WRAP73: variants seen among roughly 807,000 people sequenced by gnomAD.
WRAP73 encodes the protein WD repeat-containing protein WRAP73.
Under a neutral mutation model 59.6 loss-of-function variants are expected in WRAP73, and 55 were observed. The ratio of observed to expected loss-of-function variants is 0.92; its 90% CI spans 0.74 to 1.15. The LOEUF is 1.15. Ranked by LOEUF, WRAP73 falls within the 50% of genes most tolerant of loss-of-function variation. WRAP73 has a pLI of 0.00. For synonymous variants in WRAP73, 265 were observed against 258.2 expected (o/e 1.03, Z -0.25); for missense variants, 592 against 608.1 (o/e 0.97, Z 0.28).
At chr1:3,634,675 T>C (rs1456483786) in intron 8 of WRAP73, 2 of 356,766 alleles carry the variant, frequency 5.6e-6, no homozygotes, top group African/African-American at 4.2e-5. Context: ...TGCCCAGTGT[T>C]TGGGGGCAGG....
In WRAP73 at chr1:3,631,865, A is replaced by G. The variant is rs1570290082; in HGVS notation, c.1049-208T>C. The G allele has an allele frequency of 4.3e-6, 6 of 1,401,156 alleles. No individual in the cohort carries two copies. The South Asian group carries it at 6.7e-5, about 16-fold the overall frequency. The allele number at this position is 1,401,156 out of a possible 1,614,324, so 86.8% of individuals were successfully genotyped here. On this transcript the variant is annotated intron_variant, in intron 10 of 11. Transcript: ENST00000270708. ...GCCATCACGGGCTGTAAGGGGCCCA[A>G]ATGTGTTTCTTTCTTTGGTATTTTT...
At chr1:3,632,568 C>A in intron 9 of WRAP73, 1 of 607,212 alleles carries the variant, frequency 1.6e-6, no homozygotes, top group Non-Finnish European at 2.8e-6. Flanking sequence ...CCAGGCCCGA[C>A]TAGGTGGGGG....
intron 3 of WRAP73, among the ~76,000 whole-genome samples, chr1:3,642,712 G>A (rs904009171): frequency 1.5e-4 from 22 of 148,242 alleles, no homozygotes; most frequent in Admixed American, 6.1e-4. Flanking sequence ...ACTACAGCCT[G>A]GGGGACAAGA....
At chr1:3,649,859 C>A (rs1487935340) in intron 1 of WRAP73, 72 bp downstream of exon 1, 1 of 1,509,240 alleles carries the variant, frequency 6.6e-7, no homozygotes, top group Non-Finnish European at 8.9e-7. Flanking sequence ...CACGCGGCCG[C>A]CCCCGGCCCT....
At chr1:3,643,246 C>G (rs1644663366) in intron 3 of WRAP73, among the ~76,000 whole-genome samples, 1 of 152,238 alleles carries the variant, frequency 6.6e-6, no homozygotes, top group Non-Finnish European at 1.5e-5. Flanking sequence ...CAACTTTACA[C>G]TGCACAGCAA....
chr1:3,631,659 T>C lies in WRAP73; in HGVS notation c.1049-2A>G, dbSNP rs1352303587. ...CCCAGACGGCATTGGGAATGTTGTC[T>C]GAGGAAGGAAGGACAGGGCACCGGT... On this transcript the variant is annotated splice_acceptor_variant, in intron 10 of 11. Coordinates refer to ENST00000270708, the MANE Select transcript of WRAP73 (RefSeq NM_017818.4). LOFTEE classifies it high-confidence loss of function. The C allele has an allele frequency of 3.8e-6, 6 of 1,588,410 alleles. No homozygotes were observed. In the East Asian group the frequency reaches 1.1e-4, roughly 30 times the overall value.
At chr1:3,632,430 G>A (rs1191262912) in intron 9 of WRAP73, 92 bp from the exon 10 acceptor site, 14 of 1,591,748 alleles carry the variant, frequency 8.8e-6, no homozygotes, top group African/African-American at 1.3e-5. Context: ...CGGGCATCGC[G>A]AACCCAGCTC....
intron 9 of WRAP73, 127 bp from the exon 10 acceptor site, chr1:3,632,465 C>A (rs1299407875): frequency 4.1e-6 from 6 of 1,477,422 alleles, no homozygotes; most frequent in Non-Finnish European, 5.6e-6. Flanking sequence ...GAGGAAAGTG[C>A]GGCCCAAGGG....
At chr1:3,632,362 C>G (rs200940255) in intron 9 of WRAP73, 24 bp from the exon 10 acceptor site, 1 of 1,613,888 alleles carries the variant, frequency 6.2e-7, no homozygotes, top group African/African-American at 1.3e-5. Context: ...AGGAAGAACA[C>G]GCCATTGTCA....
Position 3,634,949 on chromosome 1 carries a change from G to T in WRAP73, c.816+48C>A. The T allele has an allele frequency of 1.9e-6, 3 of 1,598,256 alleles. No individual in the cohort carries two copies. The South Asian group carries it at 3.3e-5, about 18-fold the overall frequency. On this transcript the variant is annotated intron_variant, in intron 8 of 11. Transcript: ENST00000270708. ...CAAAGTGAAGGAGCAGTTTCCCACC[G>T]CCCTCCCCAACAGCCTGCTCAGGCA...
chr1:3,638,833 A>C lies in WRAP73; in HGVS notation c.340-11T>G, dbSNP rs1644612330. On this transcript the variant is annotated splice_polypyrimidine_tract_variant and intron_variant, in intron 3 of 11. Coordinates refer to ENST00000270708, the MANE Select transcript of WRAP73 (RefSeq NM_017818.4). Reference sequence around the variant, plus strand: ...GACGGTTATCCGCAGCTGTTGGGGGAAAGGGGAAAGAGAAAGGAAACACTT... The same window carrying C: ...GACGGTTATCCGCAGCTGTTGGGGGCAAGGGGAAAGAGAAAGGAAACACTT... 1.2e-6 allele frequency: 2 copies of C among 1,613,644 alleles called. No homozygotes were observed. Among genetic ancestry groups the C allele is most frequent in the East Asian group, 4.5e-5 (2 of 44,862 alleles).
intron 9 of WRAP73, 46 bp downstream of exon 9, chr1:3,633,352 C>G: frequency 4.6e-6 from 7 of 1,533,076 alleles, no homozygotes; most frequent in Non-Finnish European, 3.6e-6. Context: ...AACGAGGAAT[C>G]TTGCATTAAA....
chr1:3,638,757 A>G lies in WRAP73; in HGVS notation c.405T>C (p.Cys135=), dbSNP rs770361684. The part of the protein sequence containing the change: ...SVSYIKYPKA[C]LQGITFTRDG... Reference sequence around the variant, plus strand: ...TGGCTCCGATCGACTCACCCTGCAGACAAGCTTTCGGGTATTTGATGTAAG... The same window carrying G: ...TGGCTCCGATCGACTCACCCTGCAGGCAAGCTTTCGGGTATTTGATGTAAG... The change falls in exon 4 of 12, where the codon TGT becomes TGC. Residue 135 remains cysteine, a synonymous_variant. Transcript: ENST00000270708. 6.8e-6 allele frequency: 11 copies of G among 1,614,162 alleles called. No homozygotes were observed. In the South Asian group the frequency reaches 1.2e-4, roughly 18 times the overall value.
chr1:3,635,915 G>C (rs760948704), intron 6 of WRAP73, 29 bp downstream of exon 6: 2 of 1,594,600 alleles, frequency 1.3e-6, no homozygotes, highest in Admixed American at 1.7e-5. Context: ...GCTCTCGAAA[G>C]CAAACATGTC....
At chr1:3,633,291 A>T (rs544823010) in intron 9 of WRAP73, 107 bp downstream of exon 9, 5 of 1,197,470 alleles carry the variant, frequency 4.2e-6, no homozygotes, top group Non-Finnish European at 6.1e-6. Flanking sequence ...CATGGAAGGG[A>T]AAAAAAGTTT....
Position 3,630,945 on chromosome 1 carries a change from CCT to C in WRAP73, c.*28_*29del, listed in dbSNP as rs1644525575. 4.4e-6 allele frequency: 7 copies of C among 1,601,760 alleles called. No homozygotes were observed. The South Asian group carries it at 5.5e-5, about 13-fold the overall frequency. ...TCCCACACTGGAAACACAGAGTAGCCCTGTTTCTGCACACGTTAGTGCACCGC... is the reference window on the plus strand; with the variant it reads ...TCCCACACTGGAAACACAGAGTAGCCGTTTCTGCACACGTTAGTGCACCGC... On this transcript the variant is annotated 3_prime_UTR_variant, in exon 12 of 12. Coordinates refer to ENST00000270708, the MANE Select transcript of WRAP73 (RefSeq NM_017818.4).
rs1416153765 is a variant in WRAP73, at chr1:3,639,890, C to T, written c.340-1068G>A. 1.3e-5 allele frequency among the ~76,000 whole-genome samples: 2 copies of T among 152,080 alleles called. No homozygotes were observed. Among genetic ancestry groups the T allele is most frequent in the African/African-American group, 2.4e-5 (1 of 41,404 alleles). Reference sequence around the variant, plus strand: ...GAGGATGAGGCCCGGGGTGGGGGACCGTCTCCAGCAGCGTAAGTGGGGCCG... The same window carrying T: ...GAGGATGAGGCCCGGGGTGGGGGACTGTCTCCAGCAGCGTAAGTGGGGCCG... On this transcript the variant is annotated intron_variant, in intron 3 of 11. Coordinates refer to ENST00000270708, the MANE Select transcript of WRAP73 (RefSeq NM_017818.4). The surrounding 1 kb of genome is among the most constrained non-coding windows in gnomAD (Gnocchi z 4.3).
intron 3 of WRAP73, among the ~76,000 whole-genome samples, chr1:3,641,571 C>T (rs765203236): frequency 1.3e-5 from 2 of 152,182 alleles, no homozygotes; most frequent in Non-Finnish European, 2.9e-5. Context: ...CCGCAGCAGG[C>T]ACCGGCTGCC....
chr1:3,630,809 T>C lies in WRAP73; in HGVS notation c.*166A>G. On this transcript the variant is annotated 3_prime_UTR_variant, in exon 12 of 12. Transcript: ENST00000270708. ...AAGTATTTATTTTAAATAATAAAAC[T>C]ACAGTTTTATACCATACATATTTAC... The C allele has an allele frequency of 1.2e-6, 1 of 809,992 alleles. No individual in the cohort carries two copies. The highest frequency in any genetic ancestry group is 1.9e-6 in the Non-Finnish European group (1 of 534,336). 50.2% of individuals were successfully genotyped at this position (809,992 alleles called of 1,614,324 possible). A position where few individuals can be genotyped will look rare whatever the true frequency, so the allele number is the denominator to read the frequency against.
Sources: allele counts gnomAD v4.1 joint callset (sites outside exome capture counted in the v4.1 genomes callset), GRCh38; gene constraint gnomAD v4.1.1; non-coding constraint Gnocchi (gnomAD v3.1); transcripts MANE v1.5; gene names NCBI Gene and HGNC (gene_info 2026-07-23, HGNC 2026-07-21).